Variants in ZNF282 observed in about 807,000 individuals in gnomAD.
ZNF282 encodes the protein zinc finger protein 282.
In ZNF282, 30 loss-of-function variants were observed where a neutral mutation model predicts 61.9. That is an observed-to-expected ratio of 0.48 (90% confidence interval 0.36 to 0.66). ZNF282 has a LOEUF of 0.66. ZNF282 is among the 30% of genes least tolerant of loss of function. The pLI is 0.00. For synonymous variants in ZNF282, 396 were observed against 405.0 expected (o/e 0.98, Z 0.27); for missense variants, 788 against 941.4 (o/e 0.84, Z 2.13).
At chr7:149,223,775 AC>A in intron 7 of ZNF282, 36 bp from the exon 8 acceptor site, 1 of 1,454,222 alleles carries the variant, frequency 6.9e-7, no homozygotes. Flanking sequence ...CTGGCCGAGA[AC>A]CCCTGTCAGC....
At position 149,206,583 on chromosome 7, in the gene ZNF282, C is replaced by T. The variant is rs960181388; in HGVS notation, c.586-113C>T. The T allele has an allele frequency of 3.2e-5, 48 of 1,521,892 alleles. No individual in the cohort carries two copies. In the Admixed American group the frequency reaches 4.2e-4, roughly 13 times the overall value. The allele number at this position is 1,521,892 out of a possible 1,614,324, so 94.3% of individuals were successfully genotyped here. ...ATGGACAGTGGGGACTGGGGAGCCACGGAGAGCAAAGGCCGGGCTTTGGTG... is the reference window on the plus strand; with the variant it reads ...ATGGACAGTGGGGACTGGGGAGCCATGGAGAGCAAAGGCCGGGCTTTGGTG... On this transcript the variant is annotated intron_variant, in intron 2 of 7. Transcript: ENST00000610704.
In ZNF282 at chr7:149,198,259, C is replaced by T. The variant is rs1055894354; in HGVS notation, c.166-74C>T. The T allele has an allele frequency of 2.7e-6, 4 of 1,507,566 alleles. No homozygotes were observed. Among genetic ancestry groups the T allele is most frequent in the African/African-American group, 1.4e-5 (1 of 71,858 alleles). 93.4% of individuals were successfully genotyped at this position (1,507,566 alleles called of 1,614,324 possible). On this transcript the variant is annotated intron_variant, in intron 1 of 7. Coordinates refer to ENST00000610704, the MANE Select transcript of ZNF282 (RefSeq NM_003575.4). This position sits in a 1 kb window ranked among gnomAD's most constrained non-coding sequence, Gnocchi z 4.3. ...GACATGTAGCATCTGATTAGTTGACCCCTGTTCCCAGCTGACTTCCCCGGC... is the reference window on the plus strand; with the variant it reads ...GACATGTAGCATCTGATTAGTTGACTCCTGTTCCCAGCTGACTTCCCCGGC...
rs566476975 is a variant in ZNF282, at chr7:149,218,212, G to A, written c.1180+4398G>A. 1.2e-4 allele frequency among the ~76,000 whole-genome samples: 19 copies of A among 152,156 alleles called. No individual in the cohort carries two copies. In the East Asian group the frequency reaches 3.1e-3, roughly 25 times the overall value. On this transcript the variant is annotated intron_variant, in intron 7 of 7. Coordinates refer to ENST00000610704, the MANE Select transcript of ZNF282 (RefSeq NM_003575.4). ...TCAGGAGTGGATTGGCGGGGGGTGC[G>A]GAGCCATGTCTGAGGCTCATGCATT...
chr7:149,217,430 G>C (rs1313513019), intron 7 of ZNF282, among the ~76,000 whole-genome samples: 1 of 152,166 alleles, frequency 6.6e-6, no homozygotes, highest in East Asian at 1.9e-4. Context: ...CAGGAGTGGT[G>C]GTGGGCACCT....
intron 7 of ZNF282, among the ~76,000 whole-genome samples, chr7:149,223,284 G>GC (rs572646566): frequency 1.4e-5 from 2 of 147,354 alleles, no homozygotes; most frequent in East Asian, 4.0e-4. Flanking sequence ...GAAAAGATTT[G>GC]TTTTTTTTTT....
intron 1 of ZNF282, among the ~76,000 whole-genome samples, chr7:149,197,526 G>T (rs1471114496): frequency 6.6e-6 from 1 of 152,182 alleles, no homozygotes; most frequent in African/African-American, 2.4e-5. Context: ...AGGCTGGAGT[G>T]CAGTGGCACC....
intron 2 of ZNF282, among the ~76,000 whole-genome samples, chr7:149,199,201 A>G (rs1038931671): frequency 2.0e-5 from 3 of 152,144 alleles, no homozygotes; most frequent in Non-Finnish European, 4.4e-5. Flanking sequence ...GGCCCTTCTT[A>G]AAGTTCAGAA....
At chr7:149,215,485 G>A (rs1796148763) in intron 7 of ZNF282, among the ~76,000 whole-genome samples, 1 of 152,172 alleles carries the variant, frequency 6.6e-6, no homozygotes, top group Non-Finnish European at 1.5e-5. Flanking sequence ...TTACAGGCAT[G>A]AGCCATAGTG....
At chr7:149,206,566 T>G in intron 2 of ZNF282, 130 bp from the exon 3 acceptor site, 1 of 1,351,248 alleles carries the variant, frequency 7.4e-7, no homozygotes, top group South Asian at 1.3e-5. Flanking sequence ...AGATGGACAG[T>G]GGGGACTGGG....
intron 4 of ZNF282, among the ~76,000 whole-genome samples, chr7:149,208,035 C>T (rs1360992398): frequency 2.1e-4 from 32 of 152,170 alleles, no homozygotes; most frequent in Non-Finnish European, 5.9e-5. Context: ...GTGGAAGGCC[C>T]TAGGGTTCTA....
In ZNF282 at chr7:149,218,902, C is replaced by T. The variant is rs140681843; in HGVS notation, c.1181-4910C>T. Among the ~76,000 whole-genome samples the T allele has an allele frequency of 8.7e-4, 133 of 152,322 alleles. 1 individual carries two copies. The East Asian group carries it at 0.017, about 20-fold the overall frequency. ...CCATAAGGCTAGGTCTGGGATGGTCCTAAGCCTGAAATTTCCATTGTTCCC... is the reference window on the plus strand; with the variant it reads ...CCATAAGGCTAGGTCTGGGATGGTCTTAAGCCTGAAATTTCCATTGTTCCC... On this transcript the variant is annotated intron_variant, in intron 7 of 7. Coordinates refer to ENST00000610704, the MANE Select transcript of ZNF282 (RefSeq NM_003575.4).
At chr7:149,214,465 A>G (rs1796132949) in intron 7 of ZNF282, among the ~76,000 whole-genome samples, 1 of 151,932 alleles carries the variant, frequency 6.6e-6, no homozygotes. Flanking sequence ...GGAGGAAGGG[A>G]GAGGGGCCGG....
intron 7 of ZNF282, 138 bp downstream of exon 7, chr7:149,213,952 C>A: frequency 1.6e-6 from 1 of 608,654 alleles, no homozygotes; most frequent in Non-Finnish European, 2.9e-6. Context: ...CAAAGTTCTG[C>A]ACCAAAGCAC....
chr7:149,201,800 A>C (rs1264682593), intron 2 of ZNF282, among the ~76,000 whole-genome samples: 1 of 152,088 alleles, frequency 6.6e-6, no homozygotes, highest in Non-Finnish European at 1.5e-5. Flanking sequence ...TCTGATTAGA[A>C]TAAAAGCCCA....
At chr7:149,220,478 G>T (rs114788155) in intron 7 of ZNF282, among the ~76,000 whole-genome samples, 4,699 of 152,198 alleles carry the variant, frequency 0.031, 229 homozygotes, top group African/African-American at 0.11. Context: ...GGTAGGTCAG[G>T]TTCAGGCTTA....
At chr7:149,210,843 A>G in intron 5 of ZNF282, 139 bp downstream of exon 5, 1 of 1,279,066 alleles carries the variant, frequency 7.8e-7, no homozygotes. Flanking sequence ...CTGTGCATCC[A>G]GGGCTGGGCT....
At chr7:149,214,371 C>A (rs1336368069) in intron 7 of ZNF282, among the ~76,000 whole-genome samples, 1 of 152,074 alleles carries the variant, frequency 6.6e-6, no homozygotes, top group Non-Finnish European at 1.5e-5. Flanking sequence ...AATAAGGTCA[C>A]ATTCTGAAGT....
chr7:149,197,153 C>G (rs1020086493), intron 1 of ZNF282, among the ~76,000 whole-genome samples: 1 of 152,172 alleles, frequency 6.6e-6, no homozygotes, highest in Non-Finnish European at 1.5e-5. Flanking sequence ...CTCAATTGCA[C>G]CAATTAGTTT....
At chr7:149,213,112 T>C (rs1269068682) in intron 6 of ZNF282, among the ~76,000 whole-genome samples, 4 of 152,166 alleles carry the variant, frequency 2.6e-5, no homozygotes, top group Non-Finnish European at 5.9e-5. Context: ...ATTGCAGAGC[T>C]GAGAAGTCCA....
Sources: gnomAD v4.1 joint callset for allele counts (sites outside exome capture counted in the v4.1 genomes callset) on GRCh38, gnomAD v4.1.1 for gene constraint, Gnocchi (gnomAD v3.1) non-coding constraint, MANE v1.5 for transcripts, NCBI Gene and HGNC (gene_info 2026-07-23, HGNC 2026-07-21) for gene names.